Variants in SPON1 observed in about 807,000 individuals in gnomAD.
SPON1 encodes the protein spondin 1.
A neutral mutation model predicts 111.7 loss-of-function variants in SPON1; 52 were observed. That is an observed-to-expected ratio of 0.47 (90% confidence interval 0.37 to 0.59). The LOEUF is 0.59. SPON1 is among the 20% of genes least tolerant of loss of function. The probability of loss-of-function intolerance (pLI) is 0.00; values close to 1 mark genes in which losing one functional copy is unlikely to be tolerated. For synonymous variants in SPON1, 410 were observed against 395.8 expected (o/e 1.04, Z -0.43); for missense variants, 957 against 1,068.5 (o/e 0.90, Z 1.46).
chr11:14,090,650 G>A (rs1564902894), intron 5 of SPON1, among the ~76,000 whole-genome samples: 1 of 152,056 alleles, frequency 6.6e-6, no homozygotes, highest in Non-Finnish European at 1.5e-5. Flanking sequence ...GGGCTCAGGA[G>A]TGAAGCTGCA....
chr11:14,262,356 G>T (rs573766462), intron 14 of SPON1: 2 of 248,572 alleles, frequency 8.0e-6, no homozygotes, highest in Non-Finnish European at 1.6e-5. Context: ...TATCACCAGT[G>T]AGTTTGGGAC....
At chr11:14,201,975 T>C (rs782753252) in intron 6 of SPON1, among the ~76,000 whole-genome samples, 1 of 152,210 alleles carries the variant, frequency 6.6e-6, no homozygotes, top group South Asian at 2.1e-4. Context: ...GATTATTCCT[T>C]CAACTACAAA....
intron 6 of SPON1, among the ~76,000 whole-genome samples, chr11:14,213,521 A>G (rs1161473729): frequency 5.3e-5 from 8 of 152,228 alleles, no homozygotes; most frequent in Admixed American, 5.2e-4. Context: ...CCATTTATAA[A>G]TGTCAACAGA....
intron 5 of SPON1, among the ~76,000 whole-genome samples, chr11:14,091,421 G>A (rs1849055585): frequency 6.6e-6 from 1 of 152,232 alleles, no homozygotes; most frequent in East Asian, 1.9e-4. Flanking sequence ...GGAGCCCATG[G>A]AGTGGGTGGG....
At chr11:13,966,987 C>G (rs1375125977) in intron 1 of SPON1, among the ~76,000 whole-genome samples, 10 of 152,182 alleles carry the variant, frequency 6.6e-5, no homozygotes, top group East Asian at 3.8e-4. Context: ...CAGCAAAGCC[C>G]TGGATAAGAT....
At chr11:13,967,990 C>T (rs1554908206) in intron 1 of SPON1, among the ~76,000 whole-genome samples, 1 of 152,140 alleles carries the variant, frequency 6.6e-6, no homozygotes, top group East Asian at 1.9e-4. Flanking sequence ...CTTGAGTACT[C>T]CCCCATACAC....
Position 14,267,454 on chromosome 11 carries a change from GTCC to G in SPON1, c.*1770_*1772del, listed in dbSNP as rs1404737833. 3 of 150,318 alleles carry G rather than the reference GTCC, an allele frequency of 2.0e-5. No individual in the cohort carries two copies. The highest frequency in any genetic ancestry group is 6.6e-5 in the Admixed American group (1 of 15,064). The allele number at this position is 150,318 out of a possible 1,614,324, so 9.3% of individuals were successfully genotyped here. On this transcript the variant is annotated 3_prime_UTR_variant, in exon 16 of 16. Transcript: ENST00000576479. Reference sequence around the variant, plus strand: ...TATTTTTCTACTTGGGGGGAAAAAAGTCCTCATGTAGAAGCACCCACTTTTGCA... The same window carrying G: ...TATTTTTCTACTTGGGGGGAAAAAAGTCATGTAGAAGCACCCACTTTTGCA...
chr11:14,219,608 T>C (rs1274120225), intron 6 of SPON1, among the ~76,000 whole-genome samples: 1 of 152,220 alleles, frequency 6.6e-6, no homozygotes. Context: ...TATTGTAGCC[T>C]GCTTGAAGAA....
chr11:13,974,647 G>T (rs1234349392), intron 1 of SPON1, among the ~76,000 whole-genome samples: 1 of 152,140 alleles, frequency 6.6e-6, no homozygotes, highest in African/African-American at 2.4e-5. Flanking sequence ...ATATAAATAA[G>T]GCAGGCCTTT....
chr11:14,122,729 A>C (rs1460753313), intron 5 of SPON1, among the ~76,000 whole-genome samples: 3 of 152,030 alleles, frequency 2.0e-5, no homozygotes, highest in Non-Finnish European at 4.4e-5. Context: ...GAGCTTTTTA[A>C]AATAGTTTTT....
At chr11:14,037,832 A>G (rs1275457213) in intron 2 of SPON1, among the ~76,000 whole-genome samples, 1 of 152,078 alleles carries the variant, frequency 6.6e-6, no homozygotes, top group Admixed American at 6.6e-5. Context: ...CAAAAGACAT[A>G]TCTGATAAAG....
chr11:14,130,264 G>C (rs966316505), intron 5 of SPON1, among the ~76,000 whole-genome samples: 6 of 152,212 alleles, frequency 3.9e-5, no homozygotes, highest in African/African-American at 1.4e-4. Context: ...ATACAGAAGA[G>C]ATGATTGGAT....
At chr11:14,034,082 C>T (rs1295413028) in intron 2 of SPON1, among the ~76,000 whole-genome samples, 1 of 152,022 alleles carries the variant, frequency 6.6e-6, no homozygotes, top group South Asian at 2.1e-4. Flanking sequence ...GAGGCTGAAG[C>T]GAGAGGATTA....
chr11:14,243,522 GC>G lies in SPON1; in HGVS notation c.890+127del, dbSNP rs1848953601. The stretch of plus-strand genomic sequence containing the variant: ...GCACTACTTCTCAGTTAACAAGCAG[GC>G]AAGATGCTTTCTATGTGCAGAGCAT... On this transcript the variant is annotated intron_variant, in intron 7 of 15. Coordinates refer to ENST00000576479, the MANE Select transcript of SPON1 (RefSeq NM_006108.4). 3.8e-6 allele frequency: 3 copies of G among 786,560 alleles called. No individual in the cohort carries two copies. The Admixed American group carries it at 6.3e-5, about 16-fold the overall frequency. 48.7% of individuals were successfully genotyped at this position (786,560 alleles called of 1,614,324 possible).
chr11:14,066,820 GTCCCTCTTC>G (rs1353254856), intron 3 of SPON1, among the ~76,000 whole-genome samples: 2 of 151,994 alleles, frequency 1.3e-5, no homozygotes, highest in Non-Finnish European at 2.9e-5. Context: ...GTCCACAGCT[GTCCCTCTTC>G]TCCCTCTTCT....
intron 6 of SPON1, among the ~76,000 whole-genome samples, chr11:14,172,558 T>C (rs1554932616): frequency 6.6e-6 from 1 of 151,988 alleles, no homozygotes; most frequent in Non-Finnish European, 1.5e-5. Flanking sequence ...GTTATTTTGC[T>C]CATTTGTTGA....
intron 3 of SPON1, among the ~76,000 whole-genome samples, chr11:14,060,828 T>C (rs1554919777): frequency 6.6e-6 from 1 of 152,186 alleles, no homozygotes; most frequent in East Asian, 1.9e-4. Context: ...CCAACACTGA[T>C]CCATTGGTAC....
intron 2 of SPON1, 85 bp from the exon 3 acceptor site, chr11:14,041,436 A>G: frequency 6.8e-7 from 1 of 1,477,788 alleles, no homozygotes; most frequent in Non-Finnish European, 9.2e-7. Context: ...GTTTAAAAAT[A>G]AAGTTAAGGA....
At chr11:14,263,011 G>C (rs1344993671) in intron 15 of SPON1, 36 bp downstream of exon 15, 1 of 1,602,100 alleles carries the variant, frequency 6.2e-7, no homozygotes, top group Non-Finnish European at 8.5e-7. Flanking sequence ...GTGGTCTCCA[G>C]GACAGGCAGG....
Sources: gnomAD v4.1 joint callset for allele counts (sites outside exome capture counted in the v4.1 genomes callset) on GRCh38, gnomAD v4.1.1 for gene constraint, MANE v1.5 for transcripts, NCBI Gene and HGNC (gene_info 2026-07-23, HGNC 2026-07-21) for gene names.